Variants in DST observed in about 807,000 individuals in gnomAD.
DST encodes bullous pemphigoid antigen.
A neutral mutation model predicts 875.2 loss-of-function variants in DST; 253 were observed. That is an observed-to-expected ratio of 0.29 (90% confidence interval 0.26 to 0.32). The LOEUF (loss-of-function observed/expected upper bound fraction) is 0.32. Ranked by LOEUF, DST falls within the 10% of genes least tolerant of loss-of-function variation. DST has a pLI of 1.00. For synonymous variants in DST, 3,124 were observed against 3,197.1 expected (o/e 0.98, Z 0.77); for missense variants, 8,287 against 9,111.6 (o/e 0.91, Z 3.68).
intron 10 of DST, among the ~76,000 whole-genome samples, chr6:56,653,301 T>C (rs775517510): frequency 1.3e-5 from 2 of 152,206 alleles, no homozygotes; most frequent in Non-Finnish European, 2.9e-5. Flanking sequence ...AACACTTTAA[T>C]GGAACAAAAA....
chr6:56,835,323 T>C (rs2099792302), intron 4 of DST, among the ~76,000 whole-genome samples: 1 of 152,190 alleles, frequency 6.6e-6, no homozygotes, highest in Non-Finnish European at 1.5e-5. Context: ...AAGGAAACCC[T>C]AATGTAAACT....
chr6:56,474,960 CAAAAAAA>C (rs386407168), intron 92 of DST, among the ~76,000 whole-genome samples: 7 of 31,318 alleles, frequency 2.2e-4, no homozygotes, highest in Admixed American at 4.3e-4. Context: ...CCCTGCCTCT[CAAAAAAA>C]AAAAAAAAAA....
chr6:56,865,351 C>T (rs988366436), intron 3 of DST, among the ~76,000 whole-genome samples: 2 of 151,422 alleles, frequency 1.3e-5, no homozygotes, highest in Non-Finnish European at 2.9e-5. Flanking sequence ...CTTGCTCTGT[C>T]ATCTAGGCTG....
chr6:56,663,611 C>T (rs759977716), intron 10 of DST, among the ~76,000 whole-genome samples: 1 of 152,238 alleles, frequency 6.6e-6, no homozygotes, highest in Non-Finnish European at 1.5e-5. Context: ...ACTGAATTCA[C>T]GCATGTGACT....
Position 56,573,855 on chromosome 6 carries a change from T to C in DST, c.13060A>G (p.Lys4354Glu), listed in dbSNP as rs1466597206. 4 of 1,613,258 alleles carry C rather than the reference T, an allele frequency of 2.5e-6. No homozygotes were observed. The highest frequency in any genetic ancestry group is 3.4e-6 in the Non-Finnish European group (4 of 1,179,540). The change falls in exon 51 of 104, where the codon AAG becomes GAG. Residue 4354 changes from lysine to glutamate, a missense_variant. Physicochemically the swap from Lys to Glu is moderately conservative, Grantham distance 56 (BLOSUM62 1). Transcript: ENST00000680361. ...TTTTCATTTCGTTCATTAACAGACT[T>C]GGACAGATCCTCATATCTCCCAACA... The part of the protein sequence containing the change: ...DIVGRYEDLS[K>E]SVNERNEKLQ...
At chr6:56,715,983 C>T (rs148377353) in intron 5 of DST, among the ~76,000 whole-genome samples, 2 of 152,270 alleles carry the variant, frequency 1.3e-5, no homozygotes, top group East Asian at 1.9e-4. Flanking sequence ...TCCAAGTCTA[C>T]GCATTCGTAA....
At chr6:56,875,106 C>G (rs1272797853) in intron 3 of DST, among the ~76,000 whole-genome samples, 1 of 152,204 alleles carries the variant, frequency 6.6e-6, no homozygotes, top group Non-Finnish European at 1.5e-5. Flanking sequence ...GCCTCAGCCT[C>G]CCGAGTAGCT....
At chr6:56,797,938 C>A (rs1387664062) in intron 4 of DST, among the ~76,000 whole-genome samples, 1 of 151,892 alleles carries the variant, frequency 6.6e-6, no homozygotes, top group Non-Finnish European at 1.5e-5. Flanking sequence ...AAAGCCTAAT[C>A]CAGAGCAAGG....
In DST at chr6:56,598,866, A is replaced by G. The variant is rs560508093; in HGVS notation, c.11695-157T>C. 2.6e-5 allele frequency among the ~76,000 whole-genome samples: 4 copies of G among 152,300 alleles called. 1 individual carries two copies. In the South Asian group the frequency reaches 8.3e-4, roughly 32 times the overall value. On this transcript the variant is annotated intron_variant, in intron 45 of 103. Transcript: ENST00000680361. ...TATGTTAATTTGAGTTTCAATCACA[A>G]TACTTAATATAATTTGAAACTCAAA...
chr6:56,672,212 C>A (rs921890036), intron 9 of DST, among the ~76,000 whole-genome samples: 2 of 152,200 alleles, frequency 1.3e-5, no homozygotes, highest in Non-Finnish European at 2.9e-5. Context: ...GCAGTGAAAG[C>A]CCTTGCCAGG....
At chr6:56,460,024 C>T (rs891740697) in intron 103 of DST, 107 bp downstream of exon 103, 18 of 1,372,646 alleles carry the variant, frequency 1.3e-5, no homozygotes, top group Non-Finnish European at 1.8e-5. Context: ...TTAAGACTAC[C>T]TCAGGGTCAA....
chr6:56,943,889 G>A (rs978822265), intron 2 of DST, among the ~76,000 whole-genome samples: 7 of 152,036 alleles, frequency 4.6e-5, no homozygotes, highest in African/African-American at 1.7e-4. Flanking sequence ...GACCAAAGTG[G>A]GTGGATCACT....
chr6:56,466,698 G>T (rs1313803044), intron 98 of DST: 1 of 152,052 alleles, frequency 6.6e-6, no homozygotes, highest in Non-Finnish European at 1.5e-5. Context: ...TTTCTGTAAG[G>T]GCAGTTTTCA....
intron 92 of DST, among the ~76,000 whole-genome samples, chr6:56,475,394 AAC>A (rs35690052): frequency 0.074 from 10,741 of 144,710 alleles, 372 homozygotes; most frequent in Non-Finnish European, 0.083. Flanking sequence ...AGGCTTTTAA[AAC>A]ACACACACAC....
Position 56,532,366 on chromosome 6 carries a change from A to G in DST, c.17086T>C (p.Leu5696=), listed in dbSNP as rs201084174. 659 of 1,613,610 alleles carry G rather than the reference A, an allele frequency of 4.1e-4. No individual in the cohort carries two copies. Among genetic ancestry groups the G allele is most frequent in the Admixed American group, 1.7e-3 (103 of 60,012 alleles). Reference sequence around the variant, plus strand: ...TACCTTGTTTCAGCTTTATTAAGCAATGCCTCCCATCTGCTATCCAAGAGA... The same window carrying G: ...TACCTTGTTTCAGCTTTATTAAGCAGTGCCTCCCATCTGCTATCCAAGAGA... ...LSLLDSRWEA[L]LNKAETRNRQ... is the part of the protein sequence containing the mutation. The change falls in exon 64 of 104, where the codon TTG becomes CTG. Residue 5696 remains leucine (L), a synonymous_variant. Coordinates refer to ENST00000680361, the MANE Select transcript of DST (RefSeq NM_001374736.1).
chr6:56,495,701 C>T (rs997158914), intron 82 of DST, among the ~76,000 whole-genome samples: 12 of 151,854 alleles, frequency 7.9e-5, no homozygotes, highest in African/African-American at 2.9e-4. Flanking sequence ...ACAAATAGGT[C>T]TCCTGTGGCA....
chr6:56,890,964 C>T (rs1447833880), intron 3 of DST, among the ~76,000 whole-genome samples: 1 of 152,164 alleles, frequency 6.6e-6, no homozygotes, highest in Non-Finnish European at 1.5e-5. Context: ...CATGGCAACA[C>T]GTCATAACAC....
At chr6:56,543,478 T>A (rs1209649809) in intron 61 of DST, among the ~76,000 whole-genome samples, 1 of 152,204 alleles carries the variant, frequency 6.6e-6, no homozygotes, top group Non-Finnish European at 1.5e-5. Flanking sequence ...CTCCAGATAT[T>A]TAATAAACAA....
intron 5 of DST, among the ~76,000 whole-genome samples, chr6:56,707,591 C>T (rs746451032): frequency 1.3e-5 from 2 of 152,264 alleles, no homozygotes; most frequent in Non-Finnish European, 2.9e-5. Flanking sequence ...CTCTCTGGTC[C>T]ACTATGCCTA....
Sources: allele counts gnomAD v4.1 joint callset (sites outside exome capture counted in the v4.1 genomes callset), GRCh38; gene constraint gnomAD v4.1.1; transcripts MANE v1.5; gene names NCBI Gene and HGNC (gene_info 2026-07-23, HGNC 2026-07-21).